Variants in PHF21B observed in about 807,000 individuals in gnomAD.
PHF21B encodes the protein PHD finger protein 4.
A neutral mutation model predicts 62.2 loss-of-function variants in PHF21B; 22 were observed. The observed-to-expected ratio is 0.35, with a 90% CI of 0.25 to 0.51. The LOEUF is 0.51. Among genes scored for constraint, PHF21B ranks in the 20% least tolerant of loss-of-function variants. The pLI is 0.97. For synonymous variants in PHF21B, 341 were observed against 314.7 expected (o/e 1.08, Z -0.88); for missense variants, 701 against 707.9 (o/e 0.99, Z 0.11).
intron 2 of PHF21B, among the ~76,000 whole-genome samples, chr22:44,975,261 C>T (rs760272730): frequency 2.6e-5 from 4 of 152,204 alleles, no homozygotes; most frequent in Non-Finnish European, 5.9e-5. Context: ...GCCAGCCCCA[C>T]GCCTGGGATG....
At chr22:44,885,828 C>T (rs565498654) in intron 11 of PHF21B, 35 bp downstream of exon 11, 11 of 1,597,984 alleles carry the variant, frequency 6.9e-6, no homozygotes, top group Middle Eastern at 1.7e-4. Context: ...GGAGGGGGAG[C>T]AGGTACCCTT....
At chr22:44,931,902 C>A (rs2071750231) in intron 2 of PHF21B, among the ~76,000 whole-genome samples, 1 of 152,218 alleles carries the variant, frequency 6.6e-6, no homozygotes, top group African/African-American at 2.4e-5. Context: ...CACCGTGGGC[C>A]CTGCTCTCAG....
chr22:44,916,163 T>C, intron 4 of PHF21B, 117 bp downstream of exon 4: 1 of 957,240 alleles, frequency 1.0e-6, no homozygotes. Context: ...TTGATCATTC[T>C]GCCTCCTGGT....
At position 44,888,043 on chromosome 22, in the gene PHF21B, C is replaced by T. The variant is rs750532972; in HGVS notation, c.1117G>A (p.Ala373Thr). Residue 373 changes from alanine (A) to threonine (T), a missense_variant, in exon 10 of 13, where the codon GCC (alanine) becomes ACC (threonine). By Grantham distance (58) the Ala-to-Thr change is moderately conservative. Coordinates refer to ENST00000313237, the MANE Select transcript of PHF21B (RefSeq NM_138415.5). Reference protein sequence around the residue: ...NLQPCGTCPGAYHLSCLEPPL... With the variant: ...NLQPCGTCPGTYHLSCLEPPL... ...GGCTCCAGGCAGCTGAGGTGGTAGG[C>T]CCCCGGGCAGGTGCCGCAGGGCTGC... 5.1e-6 allele frequency: 8 copies of T among 1,556,172 alleles called. No individual in the cohort carries two copies. The highest frequency in any genetic ancestry group is 7.0e-6 in the Non-Finnish European group (8 of 1,150,572).
intron 2 of PHF21B, among the ~76,000 whole-genome samples, chr22:44,986,918 G>C (rs1329452890): frequency 6.6e-6 from 1 of 152,038 alleles, no homozygotes; most frequent in African/African-American, 2.4e-5. Context: ...AGGTGCAGGT[G>C]GGGTCCTGGA....
chr22:44,914,359 C>T (rs1448978572), intron 4 of PHF21B, among the ~76,000 whole-genome samples: 1 of 152,216 alleles, frequency 6.6e-6, no homozygotes, highest in Non-Finnish European at 1.5e-5. Context: ...CCTGCCCCAC[C>T]GCTTCCCAGC....
chr22:44,938,349 T>C (rs1048772639), intron 2 of PHF21B, among the ~76,000 whole-genome samples: 3 of 152,234 alleles, frequency 2.0e-5, no homozygotes, highest in African/African-American at 7.2e-5. Flanking sequence ...TTCTCATGCC[T>C]CAGCCTCCAG....
intron 2 of PHF21B, among the ~76,000 whole-genome samples, chr22:44,959,577 C>T (rs1036350003): frequency 5.3e-5 from 8 of 152,228 alleles, no homozygotes; most frequent in African/African-American, 1.2e-4. Flanking sequence ...GCTCCTACCA[C>T]GGAGAGGAAG....
intron 10 of PHF21B, 127 bp downstream of exon 10, chr22:44,887,836 T>A (rs2070886906): frequency 1.0e-6 from 1 of 986,184 alleles, no homozygotes; most frequent in Non-Finnish European, 1.3e-6. Context: ...AAATGTCAAT[T>A]GTGCTGAGGT....
chr22:44,954,958 C>T (rs1049343216), intron 2 of PHF21B, among the ~76,000 whole-genome samples: 8 of 152,112 alleles, frequency 5.3e-5, no homozygotes, highest in African/African-American at 9.7e-5. Flanking sequence ...TGGGAGCAGG[C>T]GGGGACAACA....
intron 2 of PHF21B, among the ~76,000 whole-genome samples, chr22:44,941,914 G>C (rs951222640): frequency 2.0e-5 from 3 of 152,206 alleles, no homozygotes; most frequent in Non-Finnish European, 4.4e-5. Context: ...GGGACTGCCT[G>C]TTCAGTGGGC....
intron 2 of PHF21B, among the ~76,000 whole-genome samples, chr22:44,967,611 T>C (rs1463725894): frequency 1.3e-5 from 2 of 152,250 alleles, no homozygotes; most frequent in African/African-American, 4.8e-5. Flanking sequence ...CATTCCCCAG[T>C]AGCCCACGCT....
chr22:44,883,440 A>G (rs3747224), intron 12 of PHF21B, 136 bp from the exon 13 acceptor site: 250,815 of 748,182 alleles, frequency 0.34, 46,229 homozygotes, highest in Non-Finnish European at 0.38. Flanking sequence ...CACAAAAACC[A>G]GGCAGTGGTG....
At chr22:44,985,035 T>G (rs2072921189) in intron 2 of PHF21B, among the ~76,000 whole-genome samples, 1 of 152,212 alleles carries the variant, frequency 6.6e-6, no homozygotes, top group Non-Finnish European at 1.5e-5. Context: ...TGCAGGGGGT[T>G]GTCAGCAGGG....
At position 45,009,418 on chromosome 22, in the gene PHF21B, G is replaced by A. The variant is rs1362849953; in HGVS notation, c.54+78C>T. On this transcript the variant is annotated intron_variant, in intron 1 of 12. Transcript: ENST00000313237. The surrounding 1 kb of genome is among the most constrained non-coding windows in gnomAD (Gnocchi z 5.9). Reference sequence around the variant, plus strand: ...GAAGACCCAGAGACCCGGAAGAGAGGATGCTGGGCTCGGGTCCCCCGACCC... The same window carrying A: ...GAAGACCCAGAGACCCGGAAGAGAGAATGCTGGGCTCGGGTCCCCCGACCC... 6.5e-6 allele frequency: 9 copies of A among 1,382,652 alleles called. No homozygotes were observed. Among genetic ancestry groups the A allele is most frequent in the East Asian group, 5.4e-5 (2 of 37,278 alleles). The allele number at this position is 1,382,652 out of a possible 1,614,324, so 85.6% of individuals were successfully genotyped here.
intron 2 of PHF21B, among the ~76,000 whole-genome samples, chr22:45,005,219 C>T (rs1325421317): frequency 6.6e-6 from 1 of 152,224 alleles, no homozygotes; most frequent in African/African-American, 2.4e-5. Context: ...GGAGTCTTCA[C>T]ACATCATATC....
intron 2 of PHF21B, among the ~76,000 whole-genome samples, chr22:44,922,066 C>T (rs1243250403): frequency 6.6e-6 from 1 of 152,184 alleles, no homozygotes; most frequent in Non-Finnish European, 1.5e-5. Flanking sequence ...GGCCAGGGAC[C>T]AGTGAGGTTC....
Position 44,881,806 on chromosome 22 carries a change from G to A in PHF21B, c.*1280C>T, listed in dbSNP as rs1298397907. Reference sequence around the variant, plus strand: ...GTTGTGCTGAGTCCCTCAGGACTGGGATGTGGGAATCGGGCAAGGGTGACA... The same window carrying A: ...GTTGTGCTGAGTCCCTCAGGACTGGAATGTGGGAATCGGGCAAGGGTGACA... On this transcript the variant is annotated 3_prime_UTR_variant, in exon 13 of 13. Coordinates refer to ENST00000313237, the MANE Select transcript of PHF21B (RefSeq NM_138415.5). 6.5e-6 allele frequency: 1 copy of A among 152,708 alleles called. No homozygotes were observed. The highest frequency in any genetic ancestry group is 6.5e-5 in the Admixed American group (1 of 15,282). 9.5% of individuals were successfully genotyped at this position (152,708 alleles called of 1,614,324 possible).
chr22:44,978,770 G>A (rs569567464), intron 2 of PHF21B, among the ~76,000 whole-genome samples: 7 of 152,190 alleles, frequency 4.6e-5, no homozygotes, highest in African/African-American at 1.7e-4. Context: ...CCTGGCTCCC[G>A]TAGGAGCTAA....
Sources: gnomAD v4.1 joint callset for allele counts (sites outside exome capture counted in the v4.1 genomes callset) on GRCh38, gnomAD v4.1.1 for gene constraint, Gnocchi (gnomAD v3.1) non-coding constraint, MANE v1.5 for transcripts, NCBI Gene and HGNC (gene_info 2026-07-23, HGNC 2026-07-21) for gene names.